The following DNPEP variants were observed in gnomAD, a reference collection of about 807,000 sequenced individuals.
DNPEP encodes the protein aspartyl aminopeptidase.
In DNPEP, 46 loss-of-function variants were observed where a neutral mutation model predicts 59.1. That is an observed-to-expected ratio of 0.78 (90% CI 0.61 to 0.99). DNPEP has a LOEUF of 0.99. Ranked by LOEUF, DNPEP falls within the 50% of genes least tolerant of loss-of-function variation. DNPEP has a pLI of 0.00. For missense variants in DNPEP, 617 were observed against 649.9 expected (o/e 0.95, Z 0.55); for synonymous variants, 229 against 242.2 (o/e 0.95, Z 0.50).
Position 219,384,347 on chromosome 2 carries a change from G to T in DNPEP, c.852+19C>A. On this transcript the variant is annotated intron_variant, in intron 9 of 14. Transcript: ENST00000273075. Reference sequence around the variant, plus strand: ...TCTGCTGGTGGTTATGTGCTGCCTGGGGCGCCCCGGCTCCTCACCTGCAGG... The same window carrying T: ...TCTGCTGGTGGTTATGTGCTGCCTGTGGCGCCCCGGCTCCTCACCTGCAGG... The T allele has an allele frequency of 6.3e-7, 1 of 1,599,238 alleles. No homozygotes were observed. Among genetic ancestry groups the T allele is most frequent in the Non-Finnish European group, 8.5e-7 (1 of 1,173,238 alleles).
chr2:219,385,399 A>G (rs755248355), intron 8 of DNPEP, 25 bp downstream of exon 8: 8 of 1,557,926 alleles, frequency 5.1e-6, no homozygotes, highest in Non-Finnish European at 7.1e-6. Flanking sequence ...CCCTTCACCC[A>G]CAGGTTCCTA....
intron 13 of DNPEP, among the ~76,000 whole-genome samples, chr2:219,380,111 T>G (rs995460071): frequency 6.6e-6 from 1 of 151,794 alleles, no homozygotes; most frequent in African/African-American, 2.4e-5. Context: ...CAACTTCGAG[T>G]GCCGTAAGCT....
chr2:219,387,424 C>T, intron 1 of DNPEP: 1 of 1,432,942 alleles, frequency 7.0e-7, no homozygotes, highest in Non-Finnish European at 9.2e-7. Flanking sequence ...CCCCCATGTC[C>T]CTGCCCAGCT....
At chr2:219,382,180 G>A (rs1228411649) in intron 10 of DNPEP, 41 bp from the exon 11 acceptor site, 1 of 1,589,422 alleles carries the variant, frequency 6.3e-7, no homozygotes, top group Admixed American at 1.7e-5. Context: ...TCTGGGCTTA[G>A]GGGCCTGATC....
chr2:219,398,806 G>A (rs916203653), intron 1 of DNPEP, among the ~76,000 whole-genome samples: 1 of 152,238 alleles, frequency 6.6e-6, no homozygotes, highest in African/African-American at 2.4e-5. Flanking sequence ...CCACCCAAGG[G>A]TAATGTCTGC....
At chr2:219,377,244 AGCCT>A (rs1953408759) in intron 13 of DNPEP, among the ~76,000 whole-genome samples, 1 of 123,032 alleles carries the variant, frequency 8.1e-6, no homozygotes, top group African/African-American at 3.0e-5. Context: ...ATTAGACTCC[AGCCT>A]GGGCGACAGA....
intron 8 of DNPEP, 134 bp from the exon 9 acceptor site, chr2:219,384,577 C>CTT (rs5838737): frequency 1.4e-3 from 746 of 517,360 alleles, no homozygotes; most frequent in Non-Finnish European, 1.8e-3. Flanking sequence ...TTTGTTTTTT[C>CTT]TTTTTTTTGA....
Position 219,374,228 on chromosome 2 carries a change from A to C in DNPEP, c.*64T>G. 6.9e-7 allele frequency: 1 copy of C among 1,442,072 alleles called. No individual in the cohort carries two copies. The allele number at this position is 1,442,072 out of a possible 1,614,324, so 89.3% of individuals were successfully genotyped here. A position where few individuals can be genotyped will look rare whatever the true frequency, so the allele number is the denominator to read the frequency against. On this transcript the variant is annotated 3_prime_UTR_variant, in exon 15 of 15. Coordinates refer to ENST00000273075, the MANE Select transcript of DNPEP (RefSeq NM_012100.4). ...CAATCCACTTTAATAATCCAGCTTCAGCTCAGCTGAGAACTTCCCCTCTCA... is the reference window on the plus strand; with the variant it reads ...CAATCCACTTTAATAATCCAGCTTCCGCTCAGCTGAGAACTTCCCCTCTCA...
intron 1 of DNPEP, among the ~76,000 whole-genome samples, chr2:219,398,280 A>G (rs956658705): frequency 6.6e-6 from 1 of 152,214 alleles, no homozygotes; most frequent in African/African-American, 2.4e-5. Flanking sequence ...AATCATCTTG[A>G]TATCTTTAGT....
chr2:219,387,451 C>T, intron 1 of DNPEP: 1 of 1,432,094 alleles, frequency 7.0e-7, no homozygotes, highest in Non-Finnish European at 9.2e-7. Context: ...TCCTGTTCTG[C>T]TCCCAAACTC....
chr2:219,382,247 C>T, intron 10 of DNPEP, 108 bp from the exon 11 acceptor site: 1 of 1,288,622 alleles, frequency 7.8e-7, no homozygotes, highest in East Asian at 2.5e-5. Context: ...CACTGAGTCA[C>T]TGGGTGTTCT....
chr2:219,384,449 GAGGTA>G lies in DNPEP; in HGVS notation c.775-11_775-7del. On this transcript the variant is annotated splice_region_variant and splice_polypyrimidine_tract_variant and intron_variant, in intron 8 of 14. Coordinates refer to ENST00000273075, the MANE Select transcript of DNPEP (RefSeq NM_012100.4). The stretch of plus-strand genomic sequence containing the variant: ...TCATAGGCACCACCCAAGACCTAGA[GAGGTA>G]AGACAGTCAGCCCGACCTTCAACCC... 1.2e-6 allele frequency: 2 copies of G among 1,608,776 alleles called. No individual in the cohort carries two copies. The highest frequency in any genetic ancestry group is 1.7e-6 in the Non-Finnish European group (2 of 1,177,628).
chr2:219,384,531 C>A, intron 8 of DNPEP, 88 bp from the exon 9 acceptor site: 4 of 1,103,168 alleles, frequency 3.6e-6, no homozygotes, highest in Non-Finnish European at 5.4e-6. Flanking sequence ...TGGTTTCTTG[C>A]GCAACCTCTC....
At position 219,374,213 on chromosome 2, in the gene DNPEP, TA is replaced by T; in HGVS notation, c.*78del. 7.4e-7 allele frequency: 1 copy of T among 1,358,380 alleles called. No homozygotes were observed. The highest frequency in any genetic ancestry group is 1.8e-4 in the Middle Eastern group (1 of 5,572). 84.1% of individuals were successfully genotyped at this position (1,358,380 alleles called of 1,614,324 possible). ...GGAGAGTCTGAGTGACAATCCACTT[TA>T]ATAATCCAGCTTCAGCTCAGCTGAG... On this transcript the variant is annotated 3_prime_UTR_variant, in exon 15 of 15. Coordinates refer to ENST00000273075, the MANE Select transcript of DNPEP (RefSeq NM_012100.4).
At chr2:219,386,813 T>C in intron 3 of DNPEP, 35 bp from the exon 4 acceptor site, 5 of 1,610,056 alleles carry the variant, frequency 3.1e-6, no homozygotes, top group Non-Finnish European at 3.4e-6. Context: ...GGGGTGTGAG[T>C]TGCATTACTC....
chr2:219,391,622 A>G (rs191687795), upstream of DNPEP, among the ~76,000 whole-genome samples: 38 of 152,260 alleles, frequency 2.5e-4, no homozygotes, highest in Admixed American at 3.3e-4. Context: ...ATTCCTGGAA[A>G]TTTGACAATC....
chr2:219,387,657 G>A lies in DNPEP; in HGVS notation c.36+102C>T, dbSNP rs529670160. 5.0e-4 allele frequency: 784 copies of A among 1,566,230 alleles called. 4 individuals carry two copies. In the African/African-American group the frequency reaches 9.7e-3, roughly 19 times the overall value. On this transcript the variant is annotated intron_variant, in intron 1 of 14. Transcript: ENST00000273075. ...CGCGGGGCTTTCGGTTTCGCTTTGG[G>A]TCAGGCGGCCCCACTGCAGCACCGC...
intron 1 of DNPEP, among the ~76,000 whole-genome samples, chr2:219,399,055 C>T (rs1265327309): frequency 6.6e-6 from 1 of 152,148 alleles, no homozygotes; most frequent in Admixed American, 6.5e-5. Context: ...CGTTTATTTA[C>T]TCCTTGCAAG....
At chr2:219,375,092 T>G in intron 13 of DNPEP, 70 bp from the exon 14 acceptor site, 2 of 1,544,006 alleles carry the variant, frequency 1.3e-6, no homozygotes, top group South Asian at 2.3e-5. Context: ...GACGCCATCT[T>G]AGAATTGCAG....
Sources: gnomAD v4.1 joint callset for allele counts (sites outside exome capture counted in the v4.1 genomes callset) on GRCh38, gnomAD v4.1.1 for gene constraint, MANE v1.5 for transcripts, NCBI Gene and HGNC (gene_info 2026-07-23, HGNC 2026-07-21) for gene names.